The following LAMA3 variants were observed in gnomAD, a reference collection of about 807,000 sequenced individuals.
The protein encoded by LAMA3 is laminin subunit alpha-3.
LAMA3 carries 281 observed loss-of-function variants against 402.0 expected under a neutral mutation model. The observed-to-expected ratio is 0.70, with a 90% CI of 0.63 to 0.77. The LOEUF (loss-of-function observed/expected upper bound fraction) is 0.77, where lower values mean the gene tolerates loss of function less well. Among genes scored for constraint, LAMA3 ranks in the 30% least tolerant of loss-of-function variants. The pLI is 0.00. For synonymous variants in LAMA3, 1,431 were observed against 1,558.4 expected (o/e 0.92, Z 1.93); for missense variants, 3,840 against 4,215.5 (o/e 0.91, Z 2.47).
At chr18:23,746,195 C>T (rs1047647279) in intron 2 of LAMA3, among the ~76,000 whole-genome samples, 1 of 152,068 alleles carries the variant, frequency 6.6e-6, no homozygotes, top group African/African-American at 2.4e-5. Context: ...GCACTTTTTT[C>T]AAGATCAAAG....
rs34595874 is a variant in LAMA3, at chr18:23,883,140, G to A, written c.5222+1095G>A. Among the ~76,000 whole-genome samples, 1,356 of 152,264 alleles carry A rather than the reference G, an allele frequency of 8.9e-3. 8 individuals are homozygous for A. Among genetic ancestry groups the A allele is most frequent in the Non-Finnish European group, 0.015 (1,009 of 68,012 alleles). ...GTGAAGAGGGCCAGAGGTGAGGTTG[G>A]TGGAGCAACCAGGACCCAGATCCTG... On this transcript the variant is annotated intron_variant, in intron 40 of 74. Coordinates refer to ENST00000313654, the MANE Select transcript of LAMA3 (RefSeq NM_198129.4).
chr18:23,758,661 G>A, intron 7 of LAMA3, 150 bp downstream of exon 7: 1 of 618,722 alleles, frequency 1.6e-6, no homozygotes, highest in South Asian at 1.9e-5. Flanking sequence ...ACCTCAGACT[G>A]CAGGGAAAAG....
chr18:23,936,801 C>T (rs760221221), intron 67 of LAMA3, among the ~76,000 whole-genome samples: 1 of 152,102 alleles, frequency 6.6e-6, no homozygotes, highest in Admixed American at 6.5e-5. Context: ...TCTACAGGCC[C>T]GAGAGCCTGG....
rs954053575 is a variant in LAMA3 at position 23,918,438 on chromosome 18, T to G, written c.7923+1743T>G. The stretch of plus-strand genomic sequence containing the variant: ...TGGGATCTCTAAGATCTAGACTGAC[T>G]TCCTGCTGTTTCTGTCTTGATCTGA... On this transcript the variant is annotated intron_variant, in intron 60 of 74. Transcript: ENST00000313654. The surrounding 1 kb of genome is among the most constrained non-coding windows in gnomAD (Gnocchi z 4.1). Among the ~76,000 whole-genome samples, 1 of 152,210 alleles carries G rather than the reference T, an allele frequency of 6.6e-6. No individual in the cohort carries two copies. The highest frequency in any genetic ancestry group is 2.4e-5 in the African/African-American group (1 of 41,462).
intron 62 of LAMA3, among the ~76,000 whole-genome samples, chr18:23,926,436 G>T (rs918284507): frequency 2.6e-5 from 4 of 152,214 alleles, no homozygotes; most frequent in Non-Finnish European, 5.9e-5. Context: ...GAATGGAAAT[G>T]AACCCTCCTC....
intron 67 of LAMA3, 108 bp downstream of exon 67, chr18:23,934,043 A>G (rs2082242942): frequency 8.5e-6 from 9 of 1,057,956 alleles, no homozygotes; most frequent in Non-Finnish European, 1.0e-5. Flanking sequence ...CAGTCCATAA[A>G]GTGGGATTGA....
Position 23,949,925 on chromosome 18 carries a change from G to A in LAMA3, c.9511+1G>A, listed in dbSNP as rs1296034886. 26 of 1,614,000 alleles carry A rather than the reference G, an allele frequency of 1.6e-5. No homozygotes were observed. The highest frequency in any genetic ancestry group is 2.2e-5 in the Non-Finnish European group (26 of 1,180,050). On this transcript the variant is annotated splice_donor_variant, in intron 71 of 74. Coordinates refer to ENST00000313654, the MANE Select transcript of LAMA3 (RefSeq NM_198129.4). LOFTEE classifies it high-confidence loss of function. ...GAAGAAGGAGGTCATGTCGTCTTGG[G>A]TAAGGAGCAGTTCTATAGAATTTAA... is the stretch of plus-strand genomic sequence containing the variant.
chr18:23,943,525 TACACC>T (rs2082597750), intron 68 of LAMA3, among the ~76,000 whole-genome samples: 1 of 152,216 alleles, frequency 6.6e-6, no homozygotes, highest in Admixed American at 6.5e-5. Flanking sequence ...TGCTGGGACT[TACACC>T]ACTAGCTAAG....
chr18:23,792,662 G>A (rs2062682356), intron 12 of LAMA3, among the ~76,000 whole-genome samples: 1 of 152,166 alleles, frequency 6.6e-6, no homozygotes, highest in Admixed American at 6.5e-5. Context: ...CCAGATTTTG[G>A]CTTGGAAACC....
At position 23,814,627 on chromosome 18, in the gene LAMA3, T is replaced by C. The variant is rs552022707; in HGVS notation, c.1888+125T>C. 9.1e-4 allele frequency: 630 copies of C among 689,510 alleles called. 9 individuals carry two copies. The South Asian group carries it at 0.01, about 11-fold the overall frequency. 42.7% of individuals were successfully genotyped at this position (689,510 alleles called of 1,614,324 possible). A position where few individuals can be genotyped will look rare whatever the true frequency, so the allele number is the denominator to read the frequency against. On this transcript the variant is annotated intron_variant, in intron 15 of 74. Coordinates refer to ENST00000313654, the MANE Select transcript of LAMA3 (RefSeq NM_198129.4). ...TTCAATTTGACAAGATTCTATGTAA[T>C]GTTCTGATGTTTTCCCCCCACTTTT...
intron 1 of LAMA3, among the ~76,000 whole-genome samples, chr18:23,711,522 A>G (rs1443150078): frequency 6.6e-6 from 1 of 152,230 alleles, no homozygotes; most frequent in African/African-American, 2.4e-5. Context: ...AAAACAAATT[A>G]CAGGAAATAA....
At chr18:23,873,208 C>T (rs1189870214) in intron 38 of LAMA3, 2 of 1,613,846 alleles carry the variant, frequency 1.2e-6, no homozygotes, top group African/African-American at 1.3e-5. Context: ...GAGTTTAGAC[C>T]CAGCCAGGTA....
chr18:23,926,742 A>G (rs144491272), intron 62 of LAMA3, among the ~76,000 whole-genome samples: 5 of 152,226 alleles, frequency 3.3e-5, no homozygotes, highest in African/African-American at 1.2e-4. Context: ...TGAATGCTTT[A>G]TGTGCATTCA....
chr18:23,799,068 C>G (rs2062821122), intron 12 of LAMA3, among the ~76,000 whole-genome samples: 1 of 152,218 alleles, frequency 6.6e-6, no homozygotes, highest in African/African-American at 2.4e-5. Flanking sequence ...ATATAACAAC[C>G]AGCTATTTGG....
Position 23,890,130 on chromosome 18 carries a change from CA to C in LAMA3, c.5410+14del. 1.3e-6 allele frequency: 2 copies of C among 1,530,378 alleles called. No homozygotes were observed. The highest frequency in any genetic ancestry group is 1.8e-6 in the Non-Finnish European group (2 of 1,103,576). The allele number at this position is 1,530,378 out of a possible 1,614,324, so 94.8% of individuals were successfully genotyped here. Reference sequence around the variant, plus strand: ...CCCCTGACTGGAGGTAAGGCCGACCCACACCCCTGCTAACTTGCATTTATAA... The same window carrying C: ...CCCCTGACTGGAGGTAAGGCCGACCCCACCCCTGCTAACTTGCATTTATAA... On this transcript the variant is annotated intron_variant, in intron 42 of 74. Transcript: ENST00000313654.
intron 13 of LAMA3, among the ~76,000 whole-genome samples, chr18:23,811,885 T>G (rs1419058129): frequency 6.6e-6 from 1 of 151,998 alleles, no homozygotes; most frequent in Non-Finnish European, 1.5e-5. Flanking sequence ...TTATTTTATT[T>G]TTTTTTGAGA....
intron 21 of LAMA3, 46 bp downstream of exon 21, chr18:23,824,611 C>T (rs1229734496): frequency 1.9e-6 from 3 of 1,602,740 alleles, no homozygotes; most frequent in Non-Finnish European, 2.6e-6. Context: ...ATTCTTCCTA[C>T]CTCAGAAGTG....
At chr18:23,703,516 T>C (rs1309295662) in intron 1 of LAMA3, among the ~76,000 whole-genome samples, 1 of 152,174 alleles carries the variant, frequency 6.6e-6, no homozygotes, top group Non-Finnish European at 1.5e-5. Flanking sequence ...CACCTAGAAT[T>C]TGGAGTTTTG....
chr18:23,856,073 A>C (rs1282818735), intron 32 of LAMA3, among the ~76,000 whole-genome samples: 1 of 152,212 alleles, frequency 6.6e-6, no homozygotes, highest in Non-Finnish European at 1.5e-5. Flanking sequence ...TGTGAAGTAG[A>C]TATTGTTACC....
Sources: allele counts gnomAD v4.1 joint callset (sites outside exome capture counted in the v4.1 genomes callset), GRCh38; gene constraint gnomAD v4.1.1; non-coding constraint Gnocchi (gnomAD v3.1); transcripts MANE v1.5; gene names NCBI Gene and HGNC (gene_info 2026-07-23, HGNC 2026-07-21).